STAB2: variants seen among roughly 807,000 people sequenced by gnomAD.
STAB2 encodes stabilin 2.
Under a neutral mutation model 338.1 loss-of-function variants are expected in STAB2, and 288 were observed. That is an observed-to-expected ratio of 0.85 (90% CI 0.77 to 0.94). The LOEUF (loss-of-function observed/expected upper bound fraction) is 0.94. Ranked by LOEUF, STAB2 falls within the 40% of genes least tolerant of loss-of-function variation. STAB2 has a pLI of 0.00. For synonymous variants in STAB2, 1,202 were observed against 1,193.3 expected (o/e 1.01, Z -0.15); for missense variants, 3,141 against 3,210.1 (o/e 0.98, Z 0.52).
At position 103,728,987 on chromosome 12, in the gene STAB2, G is replaced by A. The variant is rs575022633; in HGVS notation, c.5074G>A (p.Val1692Ile). 3.0e-5 allele frequency: 48 copies of A among 1,613,734 alleles called. 1 individual carries two copies. Among genetic ancestry groups the A allele is most frequent in the East Asian group, 2.5e-4 (11 of 44,880 alleles). ...CCAAGGAGAGCCAATAGTCATCTCC[G>A]TCTCTCAGGTAGATGCCAGTTATCC... ...SLQGEPIVIS[V>I]SQSTVYINNK... Residue 1692 changes from valine (V) to isoleucine (I), a missense_variant, in exon 48 of 69, where the codon GTC (valine) becomes ATC (isoleucine). By Grantham distance (29) the Val-to-Ile change is conservative (BLOSUM62 3). Transcript: ENST00000388887.
At chr12:103,615,266 T>G (rs1234405858) in intron 3 of STAB2, among the ~76,000 whole-genome samples, 5 of 150,604 alleles carry the variant, frequency 3.3e-5, no homozygotes, top group African/African-American at 9.8e-5. Context: ...AGGAAACAGG[T>G]GTGATGAAAA....
intron 24 of STAB2, among the ~76,000 whole-genome samples, chr12:103,677,159 T>G (rs940928692): frequency 6.6e-6 from 1 of 152,200 alleles, no homozygotes; most frequent in African/African-American, 2.4e-5. Context: ...AAAATAGAGA[T>G]AATAACAATA....
chr12:103,755,705 C>A lies in STAB2; in HGVS notation c.6974C>A (p.Thr2325Lys). 6.2e-7 allele frequency: 1 copy of A among 1,614,152 alleles called. No individual in the cohort carries two copies. ...LQVLMSFPSL[T>K]NFLTEVLAYS... ...GTCCTGATGTCCTTCCCCTCACTCA[C>A]AAACTTCCTGACGGTATGTACCATG... Residue 2325 changes from threonine (T) to lysine (K), a missense_variant, in exon 63 of 69, where the codon ACA becomes AAA. Coordinates refer to ENST00000388887, the MANE Select transcript of STAB2 (RefSeq NM_017564.10).
chr12:103,730,324 C>T (rs144316323), intron 49 of STAB2, 68 bp downstream of exon 49: 96 of 1,518,834 alleles, frequency 6.3e-5, no homozygotes, highest in Admixed American at 4.1e-4. Flanking sequence ...TATTCTGATT[C>T]GAAGTCATCA....
intron 9 of STAB2, 54 bp downstream of exon 9, chr12:103,640,310 A>C (rs770514816): frequency 2.2e-5 from 35 of 1,581,358 alleles, no homozygotes; most frequent in Non-Finnish European, 2.9e-5. Context: ...AATGGTGTCC[A>C]GTCATTGCTG....
intron 65 of STAB2, among the ~76,000 whole-genome samples, chr12:103,759,740 G>A (rs1340953395): frequency 6.6e-6 from 1 of 151,918 alleles, no homozygotes; most frequent in African/African-American, 2.4e-5. Context: ...TCATGATTGT[G>A]ATACAAGGGA....
chr12:103,735,374 T>C, intron 51 of STAB2, 117 bp from the exon 52 acceptor site: 1 of 587,460 alleles, frequency 1.7e-6, no homozygotes, highest in Non-Finnish European at 2.9e-6. Flanking sequence ...AAAGCTAAAG[T>C]TATTATAACT....
chr12:103,730,386 T>C, intron 49 of STAB2, 130 bp downstream of exon 49: 1 of 1,034,794 alleles, frequency 9.7e-7, no homozygotes, highest in Non-Finnish European at 1.4e-6. Context: ...ATTAAAAGCC[T>C]AGTAAACATT....
At chr12:103,614,255 T>C (rs1957175048) in intron 3 of STAB2, among the ~76,000 whole-genome samples, 1 of 152,214 alleles carries the variant, frequency 6.6e-6, no homozygotes, top group Admixed American at 6.5e-5. Context: ...AGGTGTACCC[T>C]GTGTTAGAGA....
chr12:103,698,952 TTG>T (rs1457334494), intron 33 of STAB2, 142 bp from the exon 34 acceptor site: 2 of 974,940 alleles, frequency 2.1e-6, no homozygotes, highest in Non-Finnish European at 2.9e-6. Flanking sequence ...ATATTGAATA[TTG>T]TGTCTTAATA....
chr12:103,742,729 A>G (rs1882686917), intron 56 of STAB2, among the ~76,000 whole-genome samples, 175 bp downstream of exon 56: 1 of 152,142 alleles, frequency 6.6e-6, no homozygotes, highest in Admixed American at 6.5e-5. Flanking sequence ...CCCAGTTTCC[A>G]ATGAAAAAGC....
intron 36 of STAB2, 41 bp downstream of exon 36, chr12:103,704,655 C>A: frequency 1.3e-6 from 2 of 1,567,508 alleles, no homozygotes; most frequent in South Asian, 1.1e-5. Context: ...TTTCCAGATC[C>A]GAGGAGTCCC....
At position 103,711,451 on chromosome 12, in the gene STAB2, C is replaced by T; in HGVS notation, c.4289-20C>T. Reference sequence around the variant, plus strand: ...AGATTTAGTAAGAGGGCTAAGACAGCAACTGGTTCTCTTTTTCAGCAACCA... The same window carrying T: ...AGATTTAGTAAGAGGGCTAAGACAGTAACTGGTTCTCTTTTTCAGCAACCA... On this transcript the variant is annotated intron_variant, in intron 39 of 68. Transcript: ENST00000388887. 6.2e-7 allele frequency: 1 copy of T among 1,614,014 alleles called. No individual in the cohort carries two copies. Among genetic ancestry groups the T allele is most frequent in the Non-Finnish European group, 8.5e-7 (1 of 1,179,976 alleles).
At chr12:103,631,871 A>G (rs1238133688) in intron 6 of STAB2, among the ~76,000 whole-genome samples, 178 bp downstream of exon 6, 1 of 152,156 alleles carries the variant, frequency 6.6e-6, no homozygotes, top group African/African-American at 2.4e-5. Context: ...AGAGGAGGGA[A>G]AGGGAGGAGG....
intron 26 of STAB2, among the ~76,000 whole-genome samples, chr12:103,683,814 G>A (rs1877150137): frequency 6.6e-6 from 1 of 152,194 alleles, no homozygotes; most frequent in South Asian, 2.1e-4. Context: ...ATCAGGCACA[G>A]GTATTAGGGC....
intron 26 of STAB2, among the ~76,000 whole-genome samples, chr12:103,683,803 G>A (rs114044790): frequency 8.5e-5 from 13 of 152,298 alleles, no homozygotes; most frequent in African/African-American, 3.1e-4. Context: ...AACTTTGAAA[G>A]ATCAGGCACA....
At chr12:103,602,361 A>G (rs1389303166) in intron 3 of STAB2, among the ~76,000 whole-genome samples, 3 of 152,170 alleles carry the variant, frequency 2.0e-5, no homozygotes, top group Admixed American at 1.3e-4. Context: ...TTGTTTAGCT[A>G]TTCACTAACT....
chr12:103,627,022 G>C (rs918278037), intron 5 of STAB2, among the ~76,000 whole-genome samples: 1 of 152,226 alleles, frequency 6.6e-6, no homozygotes, highest in African/African-American at 2.4e-5. Flanking sequence ...GGCACCTGCT[G>C]TGTGTCAGAC....
chr12:103,702,294 A>G (rs1160823531), intron 34 of STAB2, among the ~76,000 whole-genome samples: 1 of 143,568 alleles, frequency 7.0e-6, no homozygotes, highest in Non-Finnish European at 1.5e-5. Context: ...ATTATCAGTT[A>G]TTTTTTTTTT....
Sources: allele counts gnomAD v4.1 joint callset (sites outside exome capture counted in the v4.1 genomes callset), GRCh38; gene constraint gnomAD v4.1.1; transcripts MANE v1.5; gene names NCBI Gene and HGNC (gene_info 2026-07-23, HGNC 2026-07-21).